STON2: variants seen among roughly 807,000 people sequenced by gnomAD.
STON2 encodes the protein stonin 2, also known as stonin-2.
STON2 carries 29 observed loss-of-function variants against 65.7 expected under a neutral mutation model. That is an observed-to-expected ratio of 0.44 (90% CI 0.33 to 0.60). The LOEUF (loss-of-function observed/expected upper bound fraction) is 0.60, where lower values mean the gene tolerates loss of function less well. Ranked by LOEUF, STON2 falls within the 20% of genes least tolerant of loss-of-function variation. The probability of loss-of-function intolerance (pLI) is 0.03; values close to 1 mark genes in which losing one functional copy is unlikely to be tolerated. For synonymous variants in STON2, 404 were observed against 414.2 expected (o/e 0.98, Z 0.30); for missense variants, 1,054 against 1,118.1 (o/e 0.94, Z 0.82).
chr14:81,314,823 C>T (rs1364795791), intron 5 of STON2, among the ~76,000 whole-genome samples: 1 of 152,174 alleles, frequency 6.6e-6, no homozygotes, highest in Admixed American at 6.5e-5. Context: ...CACTGCTACA[C>T]CAAATAAAAA....
At chr14:81,386,217 A>C (rs1024519411) in intron 3 of STON2, among the ~76,000 whole-genome samples, 1 of 152,198 alleles carries the variant, frequency 6.6e-6, no homozygotes, top group Admixed American at 6.5e-5. Context: ...GAACAATTGA[A>C]GGTATTAAAA....
intron 4 of STON2, among the ~76,000 whole-genome samples, chr14:81,352,609 A>T (rs1055145875): frequency 2.0e-5 from 3 of 152,190 alleles, no homozygotes; most frequent in Non-Finnish European, 4.4e-5. Context: ...TAACGTTGAC[A>T]AGCCTGGATG....
At chr14:81,334,494 T>C (rs773426276) in intron 4 of STON2, among the ~76,000 whole-genome samples, 1 of 152,276 alleles carries the variant, frequency 6.6e-6, no homozygotes, top group Middle Eastern at 3.4e-3. Context: ...AACCCCCTTT[T>C]ATTATTCTGA....
intron 4 of STON2, among the ~76,000 whole-genome samples, chr14:81,341,081 T>C (rs1350860838): frequency 6.6e-6 from 1 of 152,178 alleles, no homozygotes; most frequent in Non-Finnish European, 1.5e-5. Context: ...TAATTAAGGA[T>C]GAATAAAATC....
At chr14:81,270,394 C>A in intron 7 of STON2, 2 of 1,391,250 alleles carry the variant, frequency 1.4e-6, no homozygotes, top group South Asian at 1.7e-5. Flanking sequence ...CCCCATTATT[C>A]TTTTTGTTGT....
chr14:81,399,622 A>G (rs1379450484), intron 1 of STON2, among the ~76,000 whole-genome samples: 1 of 152,240 alleles, frequency 6.6e-6, no homozygotes, highest in African/African-American at 2.4e-5. Flanking sequence ...GATGCTTCCT[A>G]AAAACAACTA....
At position 81,266,082 on chromosome 14, in the gene STON2, T is replaced by C. The variant is rs1004483811; in HGVS notation, c.*2332A>G. The C allele has an allele frequency of 4.1e-6, 4 of 985,210 alleles. No homozygotes were observed. Among genetic ancestry groups the C allele is most frequent in the East Asian group, 2.3e-4 (2 of 8,834 alleles). 61.0% of individuals were successfully genotyped at this position (985,210 alleles called of 1,614,324 possible). A position where few individuals can be genotyped will look rare whatever the true frequency, so the allele number is the denominator to read the frequency against. On this transcript the variant is annotated 3_prime_UTR_variant, in exon 8 of 8. Transcript: ENST00000614646. ...TTCAAAGAGCATGAAAAACCACTTA[T>C]GAAGAAAAAGACAAATGAAGTTAGA...
intron 4 of STON2, among the ~76,000 whole-genome samples, chr14:81,357,519 A>G (rs2140331066): frequency 6.6e-6 from 1 of 150,970 alleles, no homozygotes; most frequent in Admixed American, 6.6e-5. Context: ...AGAACTAGAA[A>G]TACCATTTGA....
intron 4 of STON2, among the ~76,000 whole-genome samples, chr14:81,326,399 C>G (rs907801997): frequency 6.6e-6 from 1 of 152,118 alleles, no homozygotes; most frequent in Admixed American, 6.6e-5. Context: ...TTGGCTCATA[C>G]AACCCCTCCT....
At chr14:81,428,420 T>C (rs1902086753) in intron 1 of STON2, among the ~76,000 whole-genome samples, 1 of 152,196 alleles carries the variant, frequency 6.6e-6, no homozygotes, top group Admixed American at 6.5e-5. Context: ...ATTATTCTCT[T>C]TTAAAAGCTT....
chr14:81,276,452 T>C (rs528439265), intron 6 of STON2, among the ~76,000 whole-genome samples: 2 of 152,068 alleles, frequency 1.3e-5, no homozygotes, highest in African/African-American at 4.8e-5. Flanking sequence ...GTAGCTGGAG[T>C]CGTAAAATTA....
intron 4 of STON2, among the ~76,000 whole-genome samples, chr14:81,339,108 A>C (rs1468090705): frequency 6.6e-6 from 1 of 152,124 alleles, no homozygotes; most frequent in African/African-American, 2.4e-5. Context: ...AAAGGGCAGG[A>C]GGAAAGAAAG....
At chr14:81,375,652 C>A (rs1899218698) in intron 3 of STON2, among the ~76,000 whole-genome samples, 1 of 151,778 alleles carries the variant, frequency 6.6e-6, no homozygotes, top group African/African-American at 2.4e-5. Context: ...TATCAGCAAG[C>A]AAACAGAAGC....
At chr14:81,365,767 AT>A (rs1898695377) in intron 4 of STON2, among the ~76,000 whole-genome samples, 1 of 152,184 alleles carries the variant, frequency 6.6e-6, no homozygotes, top group Non-Finnish European at 1.5e-5. Context: ...AAATAAAAAA[AT>A]TAAAAAATAA....
At chr14:81,364,254 A>G (rs11623515) in intron 4 of STON2, among the ~76,000 whole-genome samples, 59,028 of 152,092 alleles carry the variant, frequency 0.39, 11,769 homozygotes, top group South Asian at 0.58. Flanking sequence ...TCTGGTCTAA[A>G]TTTGTTTTAA....
At chr14:81,335,637 GGAA>G (rs1396488072) in intron 4 of STON2, among the ~76,000 whole-genome samples, 13 of 152,148 alleles carry the variant, frequency 8.5e-5, no homozygotes, top group African/African-American at 2.9e-4. Context: ...GACGTAAGTT[GGAA>G]GAAGACCTAG....
intron 5 of STON2, among the ~76,000 whole-genome samples, chr14:81,311,764 A>C (rs1057427164): frequency 2.6e-5 from 4 of 152,230 alleles, no homozygotes; most frequent in African/African-American, 9.6e-5. Flanking sequence ...GATCCCTAGA[A>C]AACAAAGAGA....
chr14:81,354,698 G>A (rs774922833), intron 4 of STON2, among the ~76,000 whole-genome samples: 6 of 152,124 alleles, frequency 3.9e-5, no homozygotes, highest in Non-Finnish European at 5.9e-5. Flanking sequence ...AAATCCTAGA[G>A]ATAAAGAACA....
rs114614688 is a variant in STON2, at chr14:81,322,148, G to A, written c.742+1869C>T. Reference sequence around the variant, plus strand: ...GCCATCCCTACTGAAGTTAACAAGGGGCTGGCACTACATGGAGGAAATTTG... The same window carrying A: ...GCCATCCCTACTGAAGTTAACAAGGAGCTGGCACTACATGGAGGAAATTTG... On this transcript the variant is annotated intron_variant, in intron 5 of 7. Transcript: ENST00000614646. Among the ~76,000 whole-genome samples the A allele has an allele frequency of 5.2e-3, 784 of 152,100 alleles. 11 individuals are homozygous for A. The highest frequency in any genetic ancestry group is 0.018 in the African/African-American group (758 of 41,500).
Sources: allele counts gnomAD v4.1 joint callset (sites outside exome capture counted in the v4.1 genomes callset), GRCh38; gene constraint gnomAD v4.1.1; transcripts MANE v1.5; gene names NCBI Gene and HGNC (gene_info 2026-07-23, HGNC 2026-07-21).